Variants in FBLN1 observed in about 807,000 individuals in gnomAD.
The protein encoded by FBLN1 is fibulin 1.
In FBLN1, 34 loss-of-function variants were observed where a neutral mutation model predicts 89.7. The ratio of observed to expected loss-of-function variants is 0.38; its 90% CI spans 0.29 to 0.50. The LOEUF (loss-of-function observed/expected upper bound fraction) is 0.50, where lower values mean the gene tolerates loss of function less well. FBLN1 is among the 20% of genes least tolerant of loss of function. The probability of loss-of-function intolerance (pLI) is 0.92; values close to 1 mark genes in which losing one functional copy is unlikely to be tolerated. For synonymous variants in FBLN1, 393 were observed against 391.3 expected (o/e 1.00, Z -0.05); for missense variants, 777 against 988.1 (o/e 0.79, Z 2.86).
At position 45,550,387 on chromosome 22, in the gene FBLN1, C is replaced by T. The variant is rs1373705333; in HGVS notation, c.1574-105C>T. 1.9e-6 allele frequency: 3 copies of T among 1,557,570 alleles called. No homozygotes were observed. The African/African-American group carries it at 4.1e-5, about 21-fold the overall frequency. The stretch of plus-strand genomic sequence containing the variant: ...GTGGAGGGCAGGGATGGCCTGATCG[C>T]CACCCCTAACCCTAGTTGATGGGAG... On this transcript the variant is annotated intron_variant, in intron 13 of 16. Transcript: ENST00000327858. This position sits in a 1 kb window ranked among gnomAD's most constrained non-coding sequence, Gnocchi z 8.4.
In FBLN1 at chr22:45,532,181, G is replaced by A. The variant is rs1386889856; in HGVS notation, c.544+857G>A. Among the ~76,000 whole-genome samples the A allele has an allele frequency of 6.6e-6, 1 of 152,126 alleles. No individual in the cohort carries two copies. Among genetic ancestry groups the A allele is most frequent in the African/African-American group, 2.4e-5 (1 of 41,428 alleles). On this transcript the variant is annotated intron_variant, in intron 5 of 16. Coordinates refer to ENST00000327858, the MANE Select transcript of FBLN1 (RefSeq NM_006486.3). The surrounding 1 kb of genome is among the most constrained non-coding windows in gnomAD (Gnocchi z 4.2). Reference sequence around the variant, plus strand: ...AGTGTACAGTGACAGTTGGTCCAGGGGCGCTGTCCAGGGGCCTGGTGGAGG... The same window carrying A: ...AGTGTACAGTGACAGTTGGTCCAGGAGCGCTGTCCAGGGGCCTGGTGGAGG...
At position 45,572,104 on chromosome 22, in the gene FBLN1, G is replaced by A. The variant is rs2088957743; in HGVS notation, c.1698-2407G>A. ...ATATCGCACCACAGCACTCCAGCCT[G>A]GGTGACAGAGCGAGACTCATCTCAA... On this transcript the variant is annotated intron_variant, in intron 14 of 16. Transcript: ENST00000327858. This position sits in a 1 kb window ranked among gnomAD's most constrained non-coding sequence, Gnocchi z 5.8. Among the ~76,000 whole-genome samples, 1 of 152,038 alleles carries A rather than the reference G, an allele frequency of 6.6e-6. No homozygotes were observed. Among genetic ancestry groups the A allele is most frequent in the East Asian group, 1.9e-4 (1 of 5,200 alleles).
chr22:45,540,885 G>A (rs908219565), intron 8 of FBLN1, among the ~76,000 whole-genome samples: 1 of 152,248 alleles, frequency 6.6e-6, no homozygotes, highest in Non-Finnish European at 1.5e-5. Flanking sequence ...CTGGCACCAC[G>A]TGGACAGTCA....
At position 45,545,696 on chromosome 22, in the gene FBLN1, G is replaced by A. The variant is rs1234439117; in HGVS notation, c.1322-1389G>A. ...ACTGGACAGGTGGAGGCCAGGCCTG[G>A]TGTGTGGGGGCCACAGAGATGAAAC... On this transcript the variant is annotated intron_variant, in intron 11 of 16. Coordinates refer to ENST00000327858, the MANE Select transcript of FBLN1 (RefSeq NM_006486.3). This position sits in a 1 kb window ranked among gnomAD's most constrained non-coding sequence, Gnocchi z 5.9. Among the ~76,000 whole-genome samples the A allele has an allele frequency of 6.6e-6, 1 of 152,202 alleles. No homozygotes were observed. The highest frequency in any genetic ancestry group is 6.5e-5 in the Admixed American group (1 of 15,278).
intron 14 of FBLN1, among the ~76,000 whole-genome samples, chr22:45,564,395 C>T (rs1325318019): frequency 1.3e-5 from 2 of 152,242 alleles, no homozygotes; most frequent in Non-Finnish European, 2.9e-5. Context: ...GTCTGAAGGC[C>T]GTGCCTAATT....
rs1210773601 is a variant in FBLN1, at chr22:45,598,459, C to T, written c.1973-1848C>T. 2.0e-5 allele frequency among the ~76,000 whole-genome samples: 3 copies of T among 152,220 alleles called. No individual in the cohort carries two copies. In the East Asian group the frequency reaches 5.8e-4, roughly 29 times the overall value. ...TTGGCGGTTCATTCATAAATGTCAG[C>T]ACCCATAGGTCTGTGCCTGTTTGGC... On this transcript the variant is annotated intron_variant, in intron 16 of 16. Coordinates refer to ENST00000327858, the MANE Select transcript of FBLN1 (RefSeq NM_006486.3).
In FBLN1 at chr22:45,590,451, C is replaced by T. The variant is rs545194386; in HGVS notation, c.1973-9856C>T. Among the ~76,000 whole-genome samples, 1 of 152,238 alleles carries T rather than the reference C, an allele frequency of 6.6e-6. No homozygotes were observed. Among genetic ancestry groups the T allele is most frequent in the Non-Finnish European group, 1.5e-5 (1 of 68,008 alleles). On this transcript the variant is annotated intron_variant, in intron 16 of 16. Coordinates refer to ENST00000327858, the MANE Select transcript of FBLN1 (RefSeq NM_006486.3). This position sits in a 1 kb window ranked among gnomAD's most constrained non-coding sequence, Gnocchi z 4.1. Reference sequence around the variant, plus strand: ...TGCTGAGAGCTGGGCTGGACGGGGCCGTGGGCCTCAGCAAGATGCGTCTCA... The same window carrying T: ...TGCTGAGAGCTGGGCTGGACGGGGCTGTGGGCCTCAGCAAGATGCGTCTCA...
chr22:45,547,394 T>G (rs1373436417), intron 12 of FBLN1, among the ~76,000 whole-genome samples, 190 bp downstream of exon 12: 2 of 137,918 alleles, frequency 1.5e-5, no homozygotes, highest in African/African-American at 5.4e-5. Context: ...AGGTTTTTTT[T>G]TTTTTTTTTT....
At chr22:45,552,927 C>T (rs879822780) in intron 14 of FBLN1, among the ~76,000 whole-genome samples, 5 of 152,234 alleles carry the variant, frequency 3.3e-5, no homozygotes, top group Admixed American at 6.5e-5. Flanking sequence ...TCAGTGGGGC[C>T]GGCGCCTGAT....
chr22:45,559,528 G>T lies in FBLN1; in HGVS notation c.1697+8913G>T, dbSNP rs112530972. Among the ~76,000 whole-genome samples, 1,414 of 152,294 alleles carry T rather than the reference G, an allele frequency of 9.3e-3. 19 individuals carry two copies. The highest frequency in any genetic ancestry group is 0.032 in the African/African-American group (1,336 of 41,552). On this transcript the variant is annotated intron_variant, in intron 14 of 16. Coordinates refer to ENST00000327858, the MANE Select transcript of FBLN1 (RefSeq NM_006486.3). ...CCCTACCAGTCAGGGAGCCAGTGTG[G>T]GGGTTCTGCCAGCTGCTAAGTATGT...
At position 45,579,027 on chromosome 22, in the gene FBLN1, C is replaced by G. The variant is rs1057234253; in HGVS notation, c.1972+1919C>G. On this transcript the variant is annotated intron_variant, in intron 16 of 16. Coordinates refer to ENST00000327858, the MANE Select transcript of FBLN1 (RefSeq NM_006486.3). The surrounding 1 kb of genome is among the most constrained non-coding windows in gnomAD (Gnocchi z 5.5). ...GACAGGCCTTGATGGCCTGTGGAGG[C>G]TCTCTTAGGGGAAGTCTCCTGGCAG... 4.6e-5 allele frequency among the ~76,000 whole-genome samples: 7 copies of G among 152,224 alleles called. No individual in the cohort carries two copies. The highest frequency in any genetic ancestry group is 1.4e-4 in the African/African-American group (6 of 41,452).
intron 11 of FBLN1, among the ~76,000 whole-genome samples, chr22:45,544,857 C>T (rs778424610): frequency 2.0e-5 from 3 of 152,162 alleles, no homozygotes; most frequent in Non-Finnish European, 2.9e-5. Flanking sequence ...CAGCCCAGGG[C>T]CTGGCACATA....
chr22:45,515,110 C>T lies in FBLN1; in HGVS notation c.80-3572C>T, dbSNP rs544718344. ...ATGGAAGGGGTTGAGGAGTGAGAGC[C>T]GGTGAATGAGAGGGGCCTTGTCTGT... On this transcript the variant is annotated intron_variant, in intron 1 of 16. Coordinates refer to ENST00000327858, the MANE Select transcript of FBLN1 (RefSeq NM_006486.3). Among the ~76,000 whole-genome samples, 64 of 152,284 alleles carry T rather than the reference C, an allele frequency of 4.2e-4. 1 individual carries two copies. The highest frequency in any genetic ancestry group is 2.9e-3 in the South Asian group (14 of 4,820).
Position 45,577,221 on chromosome 22 carries a change from C to T in FBLN1, c.1972+113C>T. On this transcript the variant is annotated intron_variant, in intron 16 of 16. Coordinates refer to ENST00000327858, the MANE Select transcript of FBLN1 (RefSeq NM_006486.3). The surrounding 1 kb of genome is among the most constrained non-coding windows in gnomAD (Gnocchi z 6.6). ...GTCCCCTCCCCAAATTCAAGCCCAC[C>T]CAACCTTCAGGGCCCAGCGCCGAGG... 2.3e-6 allele frequency: 3 copies of T among 1,287,548 alleles called. No homozygotes were observed. The highest frequency in any genetic ancestry group is 3.3e-6 in the Non-Finnish European group (3 of 909,658). The allele number at this position is 1,287,548 out of a possible 1,614,324, so 79.8% of individuals were successfully genotyped here.
chr22:45,560,056 C>T (rs2088833546), intron 14 of FBLN1, among the ~76,000 whole-genome samples: 1 of 152,146 alleles, frequency 6.6e-6, no homozygotes, highest in African/African-American at 2.4e-5. Flanking sequence ...AGTAGGCTTC[C>T]TATCAATTTC....
rs1419487687 is a variant in FBLN1 at position 45,535,444 on chromosome 22, G to A, written c.922+107G>A. 9 of 1,409,020 alleles carry A rather than the reference G, an allele frequency of 6.4e-6. No homozygotes were observed. In the African/African-American group the frequency reaches 8.5e-5, roughly 13 times the overall value. 87.3% of individuals were successfully genotyped at this position (1,409,020 alleles called of 1,614,324 possible). A position where few individuals can be genotyped will look rare whatever the true frequency, so the allele number is the denominator to read the frequency against. ...CGGGGCCGCATGGTATACAGAACAGGGGTTGGCAAACTTTTTGTGTAAAGG... is the reference window on the plus strand; with the variant it reads ...CGGGGCCGCATGGTATACAGAACAGAGGTTGGCAAACTTTTTGTGTAAAGG... On this transcript the variant is annotated intron_variant, in intron 8 of 16. Coordinates refer to ENST00000327858, the MANE Select transcript of FBLN1 (RefSeq NM_006486.3).
rs761953043 is a variant in FBLN1, at chr22:45,561,346, A to G, written c.1697+10731A>G. ...GCTGGGAGATGGAATCCCTGAGTTC[A>G]TAATTTTCTTTCATCACTTTGTCCA... On this transcript the variant is annotated intron_variant, in intron 14 of 16. Transcript: ENST00000327858. The surrounding 1 kb of genome is among the most constrained non-coding windows in gnomAD (Gnocchi z 4.7). 1.6e-4 allele frequency among the ~76,000 whole-genome samples: 25 copies of G among 151,938 alleles called. No individual in the cohort carries two copies. The highest frequency in any genetic ancestry group is 3.3e-4 in the Admixed American group (5 of 15,236).
intron 16 of FBLN1, among the ~76,000 whole-genome samples, chr22:45,584,215 T>C (rs1467797159): frequency 2.6e-5 from 4 of 152,182 alleles, no homozygotes; most frequent in African/African-American, 7.2e-5. Flanking sequence ...CCCAGGCTTT[T>C]CCATGAAAGT....
chr22:45,586,536 G>T (rs1186096159), intron 16 of FBLN1, among the ~76,000 whole-genome samples: 1 of 152,238 alleles, frequency 6.6e-6, no homozygotes, highest in Non-Finnish European at 1.5e-5. Context: ...AGCCAAACTT[G>T]AGACGTCTGC....
Sources: gnomAD v4.1 joint callset for allele counts (sites outside exome capture counted in the v4.1 genomes callset) on GRCh38, gnomAD v4.1.1 for gene constraint, Gnocchi (gnomAD v3.1) non-coding constraint, MANE v1.5 for transcripts, NCBI Gene and HGNC (gene_info 2026-07-23, HGNC 2026-07-21) for gene names.